Variants in DHX38 observed in about 807,000 individuals in gnomAD.
DHX38 encodes the protein DEAH-box helicase 38.
DHX38 carries 100 observed loss-of-function variants against 153.1 expected under a neutral mutation model. That is an observed-to-expected ratio of 0.65 (90% confidence interval 0.56 to 0.77). DHX38 has a LOEUF of 0.77. Ranked by LOEUF, DHX38 falls within the 30% of genes least tolerant of loss-of-function variation. The pLI is 0.00. For synonymous variants in DHX38, 650 were observed against 631.7 expected (o/e 1.03, Z -0.43); for missense variants, 1,440 against 1,654.0 (o/e 0.87, Z 2.24).
At position 72,099,787 on chromosome 16, in the gene DHX38, C is replaced by T. The variant is rs749400680; in HGVS notation, c.1016C>T (p.Pro339Leu). The change falls in exon 8 of 27, where the codon CCG (proline) becomes CTG (leucine). Residue 339 changes from proline to leucine, a missense_variant. Pro to Leu is a moderately conservative substitution (Grantham distance 98, BLOSUM62 -3). Coordinates refer to ENST00000268482, the MANE Select transcript of DHX38 (RefSeq NM_014003.4). ...MDEGYDEFHN[P>L]LAYSSEDYVR... ...GAGGGCTATGACGAGTTCCACAACC[C>T]GCTGGCCTACTCCTCCGAGGACTAC... 8 of 1,614,176 alleles carry T rather than the reference C, an allele frequency of 5.0e-6. No individual in the cohort carries two copies. Among genetic ancestry groups the T allele is most frequent in the South Asian group, 1.1e-5 (1 of 91,082 alleles).
rs561118255 is a variant in DHX38 at position 72,098,178 on chromosome 16, A to G, written c.616+397A>G. On this transcript the variant is annotated intron_variant, in intron 4 of 26. Coordinates refer to ENST00000268482, the MANE Select transcript of DHX38 (RefSeq NM_014003.4). ...CTAGGTGCAGTGGCTCATACCTGTAATCCCAGTACTTTGGGAGGCTGAGGC... is the reference window on the plus strand; with the variant it reads ...CTAGGTGCAGTGGCTCATACCTGTAGTCCCAGTACTTTGGGAGGCTGAGGC... 2.8e-4 allele frequency among the ~76,000 whole-genome samples: 42 copies of G among 152,350 alleles called. 1 individual carries two copies. The highest frequency in any genetic ancestry group is 4.9e-4 in the Non-Finnish European group (33 of 68,032).
chr16:72,107,728 A>T lies in DHX38; in HGVS notation c.2893A>T (p.Met965Leu), dbSNP rs780160485. The change falls in exon 21 of 27, where the codon ATG becomes TTG. Residue 965 changes from methionine (M) to leucine (L), a missense_variant. Transcript: ENST00000268482. The surrounding 1 kb of genome is among the most constrained non-coding windows in gnomAD (Gnocchi z 5.3). ...LSKMLIVSCD[M>L]GCSSEILLIV... ...CAAGATGCTCATCGTGTCCTGTGAC[A>T]TGGGCTGCAGCTCCGAGATCCTGCT... 4 of 1,613,856 alleles carry T rather than the reference A, an allele frequency of 2.5e-6. No individual in the cohort carries two copies. The highest frequency in any genetic ancestry group is 1.6e-4 in the Middle Eastern group (1 of 6,084).
rs542087489 is a variant in DHX38, at chr16:72,106,012, A to G, written c.2495A>G (p.Asn832Ser). 4.1e-5 allele frequency: 66 copies of G among 1,613,828 alleles called. 1 individual carries two copies. The South Asian group carries it at 6.7e-4, about 16-fold the overall frequency. The change falls in exon 19 of 27, where the codon AAC becomes AGC. Residue 832 changes from asparagine to serine, a missense_variant. By Grantham distance (46) the Asn-to-Ser change is conservative (BLOSUM62 1). Transcript: ENST00000268482. Reference sequence around the variant, plus strand: ...TTTGCCGTCCCCTCCTAGGTCTTCAACCCCAGGATTGGCATGGATGCTCTG... The same window carrying G: ...TTTGCCGTCCCCTCCTAGGTCTTCAGCCCCAGGATTGGCATGGATGCTCTG... ...DSGYCKLKVF[N>S]PRIGMDALQI...
rs1201778579 is a variant in DHX38 at position 72,109,391 on chromosome 16, G to A, written c.3382-24G>A. On this transcript the variant is annotated intron_variant, in intron 24 of 26. Coordinates refer to ENST00000268482, the MANE Select transcript of DHX38 (RefSeq NM_014003.4). ...GGACATTGGCCCTCCTGTGACCCTCGCCTCCCTGCCCTTCTGCCCGCAGGA... is the reference window on the plus strand; with the variant it reads ...GGACATTGGCCCTCCTGTGACCCTCACCTCCCTGCCCTTCTGCCCGCAGGA... 6 of 1,610,106 alleles carry A rather than the reference G, an allele frequency of 3.7e-6. No individual in the cohort carries two copies. The African/African-American group carries it at 4.0e-5, about 11-fold the overall frequency.
In DHX38 at chr16:72,101,076, A is replaced by G. The variant is rs762042267; in HGVS notation, c.1279-10A>G. The G allele has an allele frequency of 1.9e-6, 3 of 1,613,964 alleles. No individual in the cohort carries two copies. The South Asian group carries it at 3.3e-5, about 18-fold the overall frequency. ...TTAACGGGCATCGCTCTTTCTCCCC[A>G]CTGCTGCAGCCGGAGCCGGTGATTC... On this transcript the variant is annotated splice_polypyrimidine_tract_variant and intron_variant, in intron 9 of 26. Transcript: ENST00000268482.
At chr16:72,099,587 G>GC in intron 7 of DHX38, 145 bp from the exon 8 acceptor site, 1 of 1,105,696 alleles carries the variant, frequency 9.0e-7, no homozygotes, top group East Asian at 2.6e-5. Flanking sequence ...GCATGTGTCT[G>GC]CAGGGAGGCC....
In DHX38 at chr16:72,099,269, G is replaced by A; in HGVS notation, c.949G>A (p.Asp317Asn). The change falls in exon 7 of 27, where the codon GAT (aspartate) becomes AAT (asparagine). Residue 317 changes from aspartate to asparagine, a missense_variant. Around this residue, in one of 6 missense-constraint regions of DHX38, gnomAD observed 483 missense variants for 465.1 expected, o/e 1.04. Coordinates refer to ENST00000268482, the MANE Select transcript of DHX38 (RefSeq NM_014003.4). ...DTEEERQQWE[D>N]DQRQADRDWY... ...GGAGGAGGAGCGGCAGCAGTGGGAA[G>A]ATGACCAGAGGGTAAAGTTTTATAC... 2 of 1,611,732 alleles carry A rather than the reference G, an allele frequency of 1.2e-6. No individual in the cohort carries two copies. Among genetic ancestry groups the A allele is most frequent in the Non-Finnish European group, 1.7e-6 (2 of 1,179,140 alleles).
chr16:72,111,343 G>A (rs914660683), intron 26 of DHX38, among the ~76,000 whole-genome samples: 2 of 152,340 alleles, frequency 1.3e-5, no homozygotes, highest in Admixed American at 6.5e-5. Flanking sequence ...TTACTCATGA[G>A]CGAGGGGGTT....
intron 9 of DHX38, 144 bp from the exon 10 acceptor site, chr16:72,100,942 C>CTGATG: frequency 1.2e-6 from 1 of 849,064 alleles, no homozygotes; most frequent in Non-Finnish European, 1.9e-6. Context: ...CAAAAAAGGC[C>CTGATG]TGATGTGGAG....
In DHX38 at chr16:72,107,655, C is replaced by T. The variant is rs1037233753; in HGVS notation, c.2820C>T (p.Thr940=). Reference sequence around the variant, plus strand: ...GCTCATCTCTCCTAGGTGGTCTGACCTCTACCGGGCGGCTGATGGTGGAGT... The same window carrying T: ...GCTCATCTCTCCTAGGTGGTCTGACTTCTACCGGGCGGCTGATGGTGGAGT... ...LGALDNTGGL[T]STGRLMVEFP... is the part of the protein sequence containing the mutation. The change falls in exon 21 of 27, where the codon ACC becomes ACT. Residue 940 remains threonine, a synonymous_variant. Coordinates refer to ENST00000268482, the MANE Select transcript of DHX38 (RefSeq NM_014003.4). This position sits in a 1 kb window ranked among gnomAD's most constrained non-coding sequence, Gnocchi z 5.3. 2.5e-6 allele frequency: 4 copies of T among 1,614,030 alleles called. No homozygotes were observed. In the African/African-American group the frequency reaches 4.0e-5, roughly 16 times the overall value.
Position 72,103,106 on chromosome 16 carries a change from G to A in DHX38, c.1532G>A (p.Arg511Lys). ...CAGAAGTTTGCAGATCACATGAAGA[G>A]AAAGAGCGAAGCCAGCAGTGAATTT... ...TEQKFADHMK[R>K]KSEASSEFAK... The change falls in exon 12 of 27, where the codon AGA becomes AAA. Residue 511 changes from arginine (R) to lysine (K), a missense_variant. Arg to Lys is a conservative substitution (Grantham distance 26, BLOSUM62 2). This residue lies in a region of DHX38 where 241 missense variants were observed against 229.5 expected (regional missense o/e 1.05). Coordinates refer to ENST00000268482, the MANE Select transcript of DHX38 (RefSeq NM_014003.4). 17 of 1,614,246 alleles carry A rather than the reference G, an allele frequency of 1.1e-5. No individual in the cohort carries two copies. Among genetic ancestry groups the A allele is most frequent in the Non-Finnish European group, 1.4e-5 (16 of 1,180,036 alleles).
In DHX38 at chr16:72,099,018, T is replaced by A. The variant is rs2042060326; in HGVS notation, c.856T>A (p.Ser286Thr). 1 of 1,612,842 alleles carries A rather than the reference T, an allele frequency of 6.2e-7. No individual in the cohort carries two copies. The change falls in exon 6 of 27, where the codon TCC (serine) becomes ACC (threonine). Residue 286 changes from serine to threonine, a missense_variant. Physicochemically the swap from Ser to Thr is moderately conservative, Grantham distance 58. Transcript: ENST00000268482. The stretch of plus-strand genomic sequence containing the variant: ...GGCCGATGACAGAAGACACTTGGGG[T>A]CCACCCCGCGTCTGTCCAGGGGCCG... ...EWADDRRHLG[S>T]TPRLSRGRGR...
At chr16:72,095,038 C>T (rs1368970159) in intron 1 of DHX38, among the ~76,000 whole-genome samples, 1 of 152,168 alleles carries the variant, frequency 6.6e-6, no homozygotes, top group African/African-American at 2.4e-5. Flanking sequence ...ATTATGTGTC[C>T]AGTCTGTTTG....
At position 72,096,360 on chromosome 16, in the gene DHX38, G is replaced by C. The variant is rs2042018268; in HGVS notation, c.203G>C (p.Gly68Ala). Residue 68 changes from glycine to alanine, a missense_variant, in exon 2 of 27, where the codon GGG becomes GCG. Gly to Ala is a moderately conservative substitution (Grantham distance 60, BLOSUM62 0). Transcript: ENST00000268482. ...KRREREEKDD[G>A]EDKKKSKVSS... ...AGAGAGCGAGAGGAGAAGGACGATG[G>C]GGAGGACAAGAAGAAGTCCAAAGTC... The C allele has an allele frequency of 1.9e-6, 3 of 1,614,058 alleles. No homozygotes were observed. The highest frequency in any genetic ancestry group is 2.5e-6 in the Non-Finnish European group (3 of 1,180,016).
At chr16:72,100,724 A>G in intron 9 of DHX38, 127 bp downstream of exon 9, 1 of 1,351,522 alleles carries the variant, frequency 7.4e-7, no homozygotes, top group Non-Finnish European at 1.0e-6. Flanking sequence ...GGATACCAGG[A>G]GTTCAAGGCC....
At chr16:72,099,138 A>G in intron 6 of DHX38, 66 bp from the exon 7 acceptor site, 1 of 1,595,708 alleles carries the variant, frequency 6.3e-7, no homozygotes, top group Non-Finnish European at 8.5e-7. Context: ...ATGGCCCTGC[A>G]GATCTGTCTG....
chr16:72,110,609 C>A (rs185336525), intron 25 of DHX38, among the ~76,000 whole-genome samples: 113 of 152,362 alleles, frequency 7.4e-4, no homozygotes, highest in Non-Finnish European at 1.2e-3. Context: ...GGCTCCCTTG[C>A]ATCTTATGCC....
chr16:72,112,569 G>T lies in DHX38; in HGVS notation c.*72G>T, dbSNP rs1022487967. The T allele has an allele frequency of 7.3e-6, 11 of 1,515,822 alleles. No individual in the cohort carries two copies. In the African/African-American group the frequency reaches 1.4e-4, roughly 19 times the overall value. The allele number at this position is 1,515,822 out of a possible 1,614,324, so 93.9% of individuals were successfully genotyped here. On this transcript the variant is annotated 3_prime_UTR_variant, in exon 27 of 27. Coordinates refer to ENST00000268482, the MANE Select transcript of DHX38 (RefSeq NM_014003.4). ...GCCTTCTGGCGGGAGCCCTGAGGCT[G>T]CGGACAAAGCCCTTTCATCTGAGGA...
At position 72,101,521 on chromosome 16, in the gene DHX38, C is replaced by A. The variant is rs1371159718; in HGVS notation, c.1408C>A (p.Leu470Met). The A allele has an allele frequency of 3.2e-6, 5 of 1,552,056 alleles. No individual in the cohort carries two copies. The highest frequency in any genetic ancestry group is 4.4e-6 in the Non-Finnish European group (5 of 1,147,184). Residue 470 changes from leucine to methionine, a missense_variant, in exon 11 of 27, where the codon CTG becomes ATG. Physicochemically the swap from Leu to Met is conservative, Grantham distance 15. Coordinates refer to ENST00000268482, the MANE Select transcript of DHX38 (RefSeq NM_014003.4). ...RKKAQHKHWE[L>M]AGTKLGDIMG... ...TCAGGCTCAGCACAAACACTGGGAA[C>A]TGGCGGGGACCAAACTGGGAGATAT...
Sources: gnomAD v4.1 joint callset for allele counts (sites outside exome capture counted in the v4.1 genomes callset) on GRCh38, gnomAD v4.1.1 for gene constraint, gnomAD v4.1.1 regional missense constraint, Gnocchi (gnomAD v3.1) non-coding constraint, MANE v1.5 for transcripts, NCBI Gene and HGNC (gene_info 2026-07-23, HGNC 2026-07-21) for gene names.